Variants in ADAMTS9 observed in about 807,000 individuals in gnomAD.
The protein encoded by ADAMTS9 is A disintegrin and metalloproteinase with thrombospondin motifs 9.
ADAMTS9 carries 107 observed loss-of-function variants against 257.1 expected under a neutral mutation model. The ratio of observed to expected loss-of-function variants is 0.42; its 90% confidence interval spans 0.36 to 0.49. ADAMTS9 has a LOEUF of 0.49. Among genes scored for constraint, ADAMTS9 ranks in the 20% least tolerant of loss-of-function variants. The probability of loss-of-function intolerance (pLI) is 0.03; values close to 1 mark genes in which losing one functional copy is unlikely to be tolerated. For synonymous variants in ADAMTS9, 982 were observed against 880.9 expected, an observed-to-expected ratio of 1.11 and a Z score of -2.03; for missense variants, 2,353 against 2,469.1, an observed-to-expected ratio of 0.95 and a Z score of 1.00.
chr3:64,617,006 A>G (rs1215701407), intron 19 of ADAMTS9, among the ~76,000 whole-genome samples: 1 of 152,162 alleles, frequency 6.6e-6, no homozygotes, highest in Admixed American at 6.5e-5. Context: ...GAATGCCCCA[A>G]AGTAGGTCAG....
intron 28 of ADAMTS9, among the ~76,000 whole-genome samples, chr3:64,571,805 C>CTACT (rs1361331416): frequency 6.6e-6 from 1 of 152,120 alleles, no homozygotes; most frequent in African/African-American, 2.4e-5. Flanking sequence ...ATTAATGGGC[C>CTACT]TACTATGACC....
chr3:64,637,513 T>G (rs528190284), intron 12 of ADAMTS9, among the ~76,000 whole-genome samples: 3 of 152,228 alleles, frequency 2.0e-5, no homozygotes, highest in African/African-American at 7.2e-5. Flanking sequence ...AAATTCAAGA[T>G]GATGCATGAC....
At chr3:64,640,001 T>G (rs2106916727) in intron 12 of ADAMTS9, among the ~76,000 whole-genome samples, 1 of 152,314 alleles carries the variant, frequency 6.6e-6, no homozygotes, top group South Asian at 2.1e-4. Context: ...TGACAACTTC[T>G]AAAATATTCT....
In ADAMTS9 at chr3:64,681,224, C is replaced by T. The variant is rs768397344; in HGVS notation, c.656G>A (p.Gly219Glu). ...ACCTGAGGTGTCACATGCATGCCTTCCTGTTGAGGGCTCTCTCTGGGGGGC... is the reference window on the plus strand; with the variant it reads ...ACCTGAGGTGTCACATGCATGCCTTTCTGTTGAGGGCTCTCTCTGGGGGGC... ...RSAPQREPST[G>E]RHACDTSEHK... Residue 219 changes from glycine to glutamate, a missense_variant, in exon 3 of 40, where the codon GGA (glycine) becomes GAA (glutamate). Transcript: ENST00000498707. The T allele has an allele frequency of 1.5e-5, 25 of 1,613,340 alleles. No homozygotes were observed. Among genetic ancestry groups the T allele is most frequent in the Non-Finnish European group, 2.1e-5 (25 of 1,179,734 alleles).
At position 64,541,638 on chromosome 3, in the gene ADAMTS9, C is replaced by T; in HGVS notation, c.5198-18G>A. 3 of 1,601,748 alleles carry T rather than the reference C, an allele frequency of 1.9e-6. No individual in the cohort carries two copies. Among genetic ancestry groups the T allele is most frequent in the South Asian group, 1.1e-5 (1 of 90,656 alleles). ...TAACTCACCTAGAAAACACCAATCA[C>T]AAAAAATAGGGTGTGATGATCCGAG... On this transcript the variant is annotated intron_variant, in intron 33 of 39. Coordinates refer to ENST00000498707, the MANE Select transcript of ADAMTS9 (RefSeq NM_182920.2).
At position 64,648,821 on chromosome 3, in the gene ADAMTS9, A is replaced by G. The variant is rs535983328; in HGVS notation, c.1606-777T>C. On this transcript the variant is annotated intron_variant, in intron 10 of 39. Coordinates refer to ENST00000498707, the MANE Select transcript of ADAMTS9 (RefSeq NM_182920.2). Reference sequence around the variant, plus strand: ...AAAGGGAGACCCTATAATTTGTTTAACCTTTCTTTTGCTTGGCATTTCAAT... The same window carrying G: ...AAAGGGAGACCCTATAATTTGTTTAGCCTTTCTTTTGCTTGGCATTTCAAT... 1.9e-3 allele frequency among the ~76,000 whole-genome samples: 285 copies of G among 152,202 alleles called. 1 individual carries two copies. The highest frequency in any genetic ancestry group is 6.6e-3 in the African/African-American group (276 of 41,524).
chr3:64,545,842 G>A (rs920224241), intron 32 of ADAMTS9, among the ~76,000 whole-genome samples: 3 of 152,084 alleles, frequency 2.0e-5, no homozygotes, highest in Admixed American at 6.5e-5. Flanking sequence ...ATGGTCCGCC[G>A]ACCATGGCCT....
chr3:64,635,546 A>G (rs961820369), intron 12 of ADAMTS9, among the ~76,000 whole-genome samples: 1 of 152,182 alleles, frequency 6.6e-6, no homozygotes, highest in Non-Finnish European at 1.5e-5. Flanking sequence ...TATCTGCACT[A>G]TTCATTCAAA....
In ADAMTS9 at chr3:64,538,162, T is replaced by G. The variant is rs577695913; in HGVS notation, c.5613+1041A>C. Among the ~76,000 whole-genome samples the G allele has an allele frequency of 1.2e-4, 19 of 152,296 alleles. No individual in the cohort carries two copies. In the South Asian group the frequency reaches 3.9e-3, roughly 32 times the overall value. On this transcript the variant is annotated intron_variant, in intron 37 of 39. Coordinates refer to ENST00000498707, the MANE Select transcript of ADAMTS9 (RefSeq NM_182920.2). ...TTGGTCCCGGAGGACTTCTAGAATA[T>G]ATTATTATCTCATGGATATTCGTTA...
At chr3:64,625,259 G>A (rs1321789175) in intron 16 of ADAMTS9, among the ~76,000 whole-genome samples, 2 of 152,190 alleles carry the variant, frequency 1.3e-5, no homozygotes, top group Non-Finnish European at 2.9e-5. Flanking sequence ...TGTATTGGTT[G>A]TGGAATGAGG....
At chr3:64,534,250 G>A (rs1403818677) in intron 37 of ADAMTS9, among the ~76,000 whole-genome samples, 1 of 152,154 alleles carries the variant, frequency 6.6e-6, no homozygotes, top group East Asian at 1.9e-4. Context: ...ATCCTGGCCA[G>A]ATCTTTTCTC....
intron 28 of ADAMTS9, chr3:64,588,368 GA>G (rs796244761): frequency 4.4e-4 from 67 of 152,004 alleles, no homozygotes; most frequent in African/African-American, 1.5e-3. Flanking sequence ...TTAGCACCTG[GA>G]ACAGTCCCTG....
At chr3:64,668,640 TG>T (rs1359096721) in intron 3 of ADAMTS9, among the ~76,000 whole-genome samples, 2 of 152,136 alleles carry the variant, frequency 1.3e-5, no homozygotes, top group Non-Finnish European at 2.9e-5. Flanking sequence ...GAACAGGGCC[TG>T]GTGGGTAGGA....
intron 38 of ADAMTS9, among the ~76,000 whole-genome samples, chr3:64,526,172 G>A (rs2082908218): frequency 6.8e-6 from 1 of 146,900 alleles, no homozygotes; most frequent in South Asian, 2.1e-4. Flanking sequence ...TAGAAGAGAA[G>A]AATTGTAATG....
At position 64,649,765 on chromosome 3, in the gene ADAMTS9, C is replaced by G; in HGVS notation, c.1477G>C (p.Glu493Gln). Residue 493 changes from glutamate to glutamine, a missense_variant, in exon 10 of 40, where the codon GAG becomes CAG. Glu to Gln is a conservative substitution (Grantham distance 29, BLOSUM62 2). Coordinates refer to ENST00000498707, the MANE Select transcript of ADAMTS9 (RefSeq NM_182920.2). ...GATTCAGGTTCGTTAAGCAAACACT[C>G]GCCATAACCAGTGCTACGGAAACAC... ...ITEFLDTGYG[E>Q]CLLNEPESRP... 6.2e-7 allele frequency: 1 copy of G among 1,613,516 alleles called. No individual in the cohort carries two copies. The highest frequency in any genetic ancestry group is 8.5e-7 in the Non-Finnish European group (1 of 1,179,770).
intron 28 of ADAMTS9, among the ~76,000 whole-genome samples, chr3:64,574,982 G>A (rs536511452): frequency 6.6e-6 from 1 of 152,278 alleles, no homozygotes; most frequent in East Asian, 1.9e-4. Context: ...TAGTGCCTGT[G>A]AAGAAAGACA....
At chr3:64,630,134 G>C (rs866699424) in intron 16 of ADAMTS9, among the ~76,000 whole-genome samples, 1 of 87,070 alleles carries the variant, frequency 1.1e-5, no homozygotes, top group Non-Finnish European at 2.2e-5. Flanking sequence ...TAAGCCATGC[G>C]GCTGGGAAGA....
At chr3:64,528,939 G>A (rs1301035450) in intron 38 of ADAMTS9, among the ~76,000 whole-genome samples, 1 of 152,054 alleles carries the variant, frequency 6.6e-6, no homozygotes, top group Non-Finnish European at 1.5e-5. Flanking sequence ...ACAGACTCTG[G>A]CAGTCAGATT....
intron 4 of ADAMTS9, among the ~76,000 whole-genome samples, chr3:64,657,770 A>G (rs1701117305): frequency 6.6e-6 from 1 of 152,166 alleles, no homozygotes; most frequent in African/African-American, 2.4e-5. Flanking sequence ...CTTGTTAGAA[A>G]CATATACAAA....
Sources: allele counts gnomAD v4.1 joint callset (sites outside exome capture counted in the v4.1 genomes callset), GRCh38; gene constraint gnomAD v4.1.1; transcripts MANE v1.5; gene names NCBI Gene and HGNC (gene_info 2026-07-23, HGNC 2026-07-21).